ASIC2: variants seen among roughly 807,000 people sequenced by gnomAD.
ASIC2 encodes acid sensing ion channel subunit 2, also known as acid-sensing ion channel 2.
ASIC2 carries 25 observed loss-of-function variants against 57.3 expected under a neutral mutation model. The observed-to-expected ratio is 0.44, with a 90% CI of 0.32 to 0.61. ASIC2 has a LOEUF of 0.61. Ranked by LOEUF, ASIC2 falls within the 20% of genes least tolerant of loss-of-function variation. The pLI is 0.06. For synonymous variants in ASIC2, 319 were observed against 307.5 expected, an observed-to-expected ratio of 1.04 and a Z score of -0.39; for missense variants, 641 against 738.1, an observed-to-expected ratio of 0.87 and a Z score of 1.52.
intron 1 of ASIC2, among the ~76,000 whole-genome samples, chr17:33,161,179 T>C (rs1165531098): frequency 1.3e-5 from 2 of 152,150 alleles, no homozygotes; most frequent in African/African-American, 4.8e-5. Flanking sequence ...GTGGGGGAGA[T>C]GGCTAACATG....
At chr17:33,161,383 C>T (rs1567768242) in intron 1 of ASIC2, among the ~76,000 whole-genome samples, 1 of 152,186 alleles carries the variant, frequency 6.6e-6, no homozygotes, top group Non-Finnish European at 1.5e-5. Context: ...CTTCTTCTCC[C>T]TGCCCTTTGC....
chr17:33,861,805 T>G (rs923960787), intron 1 of ASIC2, among the ~76,000 whole-genome samples: 6 of 152,250 alleles, frequency 3.9e-5, no homozygotes, highest in Non-Finnish European at 7.3e-5. Flanking sequence ...AGACATGATG[T>G]CTTGCTACAA....
intron 1 of ASIC2, among the ~76,000 whole-genome samples, chr17:34,116,768 G>C (rs969064659): frequency 6.6e-6 from 1 of 152,112 alleles, no homozygotes; most frequent in Admixed American, 6.5e-5. Context: ...ATTCTGTTAA[G>C]AATCTTGGGC....
chr17:33,464,832 T>C (rs1416156193), intron 1 of ASIC2, among the ~76,000 whole-genome samples: 1 of 151,834 alleles, frequency 6.6e-6, no homozygotes, highest in Non-Finnish European at 1.5e-5. Flanking sequence ...TGGACAAATC[T>C]CACCATAGCA....
rs556732608 is a variant in ASIC2 at position 33,697,073 on chromosome 17, T to C, written c.555+458905A>G. Among the ~76,000 whole-genome samples the C allele has an allele frequency of 1.5e-3, 222 of 152,184 alleles. 2 individuals are homozygous for C. Among genetic ancestry groups the C allele is most frequent in the African/African-American group, 4.6e-3 (192 of 41,516 alleles). On this transcript the variant is annotated intron_variant, in intron 1 of 9. Coordinates refer to the ASIC2 transcript ENST00000359872. ...CATTTAAAAGTGTGTGGTTCCTCCC[T>C]CCCTCCCTACTCCTACTCCTGCTCT... is the stretch of plus-strand genomic sequence containing the variant.
intron 1 of ASIC2, among the ~76,000 whole-genome samples, chr17:33,440,554 A>G (rs1354468485): frequency 6.6e-6 from 1 of 152,222 alleles, no homozygotes; most frequent in African/African-American, 2.4e-5. Context: ...GTAAAGTGGC[A>G]GTGCCACTTC....
At chr17:33,271,757 T>C (rs1380694748) in intron 1 of ASIC2, among the ~76,000 whole-genome samples, 14 of 152,190 alleles carry the variant, frequency 9.2e-5, no homozygotes, top group Admixed American at 9.2e-4. Flanking sequence ...CAGCCTCCAT[T>C]CTTATCCACA....
At chr17:33,569,416 C>T (rs569014491) in intron 1 of ASIC2, 1 of 152,418 alleles carries the variant, frequency 6.6e-6, no homozygotes, top group African/African-American at 2.4e-5. Context: ...GAGCCCCTGT[C>T]ACTCTCATGA....
chr17:33,258,846 T>C (rs1909177429), intron 1 of ASIC2, among the ~76,000 whole-genome samples: 1 of 152,218 alleles, frequency 6.6e-6, no homozygotes, highest in Admixed American at 6.5e-5. Context: ...CTTCAAGGCA[T>C]ATGCTCCTAA....
Position 33,013,406 on chromosome 17 carries a change from AC to A in ASIC2, c.*558del, listed in dbSNP as rs2091788674. 1 of 154,514 alleles carries A rather than the reference AC, an allele frequency of 6.5e-6. No homozygotes were observed. Among genetic ancestry groups the A allele is most frequent in the Non-Finnish European group, 1.4e-5 (1 of 69,246 alleles). 9.6% of individuals were successfully genotyped at this position (154,514 alleles called of 1,614,324 possible). On this transcript the variant is annotated 3_prime_UTR_variant, in exon 10 of 10. Coordinates refer to ENST00000225823, the MANE Select transcript of ASIC2 (RefSeq NM_183377.2). ...GGGGGGAGGGAGGTTGGCGCGGGTC[AC>A]CTTTGGCGCCGAAGCCCCATGGGCA...
At chr17:33,545,796 T>C (rs937708699) in intron 1 of ASIC2, among the ~76,000 whole-genome samples, 1 of 152,190 alleles carries the variant, frequency 6.6e-6, no homozygotes, top group African/African-American at 2.4e-5. Context: ...TGGATACTTA[T>C]TATTTAAAGA....
At chr17:33,404,521 A>T (rs1284185807) in intron 1 of ASIC2, among the ~76,000 whole-genome samples, 1 of 152,224 alleles carries the variant, frequency 6.6e-6, no homozygotes, top group Non-Finnish European at 1.5e-5. Flanking sequence ...TGGACAGAGG[A>T]GCAACATCTG....
At chr17:33,587,391 T>G (rs1308430209) in intron 1 of ASIC2, among the ~76,000 whole-genome samples, 1 of 152,212 alleles carries the variant, frequency 6.6e-6, no homozygotes, top group African/African-American at 2.4e-5. Flanking sequence ...GTCCTGCTAT[T>G]TTGTGCTCCT....
At position 34,002,783 on chromosome 17, in the gene ASIC2, T is replaced by A. The variant is rs772180553; in HGVS notation, c.555+153195A>T. The A allele has an allele frequency of 2.0e-5, 3 of 152,240 alleles. No homozygotes were observed. The East Asian group carries it at 5.8e-4, about 29-fold the overall frequency. The allele number at this position is 152,240 out of a possible 1,614,324, so 9.4% of individuals were successfully genotyped here. The stretch of plus-strand genomic sequence containing the variant: ...ATTCTCTTTGTTTAAAAAAAGCTGG[T>A]ATGGTTTTTTTCTCCTGACTGGATA... On this transcript the variant is annotated intron_variant, in intron 1 of 9. Coordinates refer to the ASIC2 transcript ENST00000359872.
intron 1 of ASIC2, among the ~76,000 whole-genome samples, chr17:33,382,902 A>G (rs899682239): frequency 2.0e-5 from 3 of 152,182 alleles, no homozygotes; most frequent in Non-Finnish European, 4.4e-5. Context: ...ACTGTTTCCC[A>G]GACTTGCCAT....
chr17:33,316,580 G>A (rs190868329), intron 1 of ASIC2, among the ~76,000 whole-genome samples: 20 of 152,244 alleles, frequency 1.3e-4, no homozygotes, highest in Admixed American at 6.5e-5. Context: ...GAGACACCAC[G>A]CCTGGCCATC....
At chr17:33,558,442 G>T (rs981495985) in intron 1 of ASIC2, among the ~76,000 whole-genome samples, 2 of 152,176 alleles carry the variant, frequency 1.3e-5, no homozygotes, top group Non-Finnish European at 2.9e-5. Context: ...TTTATGCTTT[G>T]TTGGTGGAGG....
At chr17:34,040,240 G>A (rs2142045051) in intron 1 of ASIC2, among the ~76,000 whole-genome samples, 1 of 147,588 alleles carries the variant, frequency 6.8e-6, no homozygotes, top group African/African-American at 2.6e-5. Flanking sequence ...GGGGCCACTC[G>A]GGTGCGGCGC....
chr17:33,801,678 C>A (rs1912136976), intron 1 of ASIC2, among the ~76,000 whole-genome samples: 1 of 152,210 alleles, frequency 6.6e-6, no homozygotes, highest in South Asian at 2.1e-4. Context: ...GTTAATCACC[C>A]AGTGAACAGT....
Sources: allele counts gnomAD v4.1 joint callset (sites outside exome capture counted in the v4.1 genomes callset), GRCh38; gene constraint gnomAD v4.1.1; transcripts MANE v1.5; gene names NCBI Gene and HGNC (gene_info 2026-07-23, HGNC 2026-07-21).